The following ENGASE variants were observed in gnomAD, a reference collection of about 807,000 sequenced individuals.
ENGASE encodes endo-beta-N-acetylglucosaminidase, also known as cytosolic endo-beta-N-acetylglucosaminidase.
ENGASE carries 69 observed loss-of-function variants against 78.5 expected under a neutral mutation model. That is an observed-to-expected ratio of 0.88 (90% CI 0.72 to 1.07). The LOEUF is 1.07. ENGASE is among the 50% of genes least tolerant of loss of function. ENGASE has a pLI of 0.00. For missense variants in ENGASE, 943 were observed against 988.4 expected (o/e 0.95, Z 0.62); for synonymous variants, 408 against 408.9 (o/e 1.00, Z 0.03).
Position 79,079,605 on chromosome 17 carries a change from A to T in ENGASE, c.533A>T (p.Asn178Ile). 1 of 1,613,884 alleles carries T rather than the reference A, an allele frequency of 6.2e-7. No homozygotes were observed. Among genetic ancestry groups the T allele is most frequent in the Non-Finnish European group, 8.5e-7 (1 of 1,179,968 alleles). The change falls in exon 4 of 14, where the codon AAC (asparagine) becomes ATC (isoleucine). Residue 178 changes from asparagine (N) to isoleucine (I), a missense_variant. Coordinates refer to ENST00000579016, the MANE Select transcript of ENGASE (RefSeq NM_001042573.3). ...ACCATTCCCCCAGTGGGCTGGACCA[A>T]CACTGCCCACAGGCATGGGGTCTGC... ...TVTIPPVGWT[N>I]TAHRHGVCVL... is the part of the protein sequence containing the mutation.
intron 6 of ENGASE, 102 bp from the exon 7 acceptor site, chr17:79,081,796 C>T: frequency 7.0e-7 from 1 of 1,429,742 alleles, no homozygotes; most frequent in South Asian, 1.4e-5. Context: ...TGGGCCCATC[C>T]CTCTGAGTAC....
chr17:79,085,261 G>T lies in ENGASE; in HGVS notation c.1619G>T (p.Arg540Leu), dbSNP rs532548973. 3.1e-6 allele frequency: 5 copies of T among 1,613,498 alleles called. No individual in the cohort carries two copies. The African/African-American group carries it at 4.0e-5, about 13-fold the overall frequency. Reference protein sequence around the residue: ...NAETSSRHSLRPLRVPPTKLA... With the variant: ...NAETSSRHSLLPLRVPPTKLA... The stretch of plus-strand genomic sequence containing the variant: ...GAAACAAGCTCAAGACACAGCCTCC[G>T]ACCCCTCCGGGTGCCCCCCACCAAG... Residue 540 changes from arginine to leucine, a missense_variant, in exon 12 of 14, where the codon CGA becomes CTA. Arg to Leu is a moderately radical substitution (Grantham distance 102, BLOSUM62 -2). Coordinates refer to ENST00000579016, the MANE Select transcript of ENGASE (RefSeq NM_001042573.3).
chr17:79,075,599 A>G, intron 1 of ENGASE: 1 of 719,984 alleles, frequency 1.4e-6, no homozygotes, highest in Non-Finnish European at 1.7e-6. Context: ...AAGCACAGAG[A>G]CAGAAAGGGA....
rs748428043 is a variant in ENGASE at position 79,083,583 on chromosome 17, A to G, written c.1244A>G (p.Tyr415Cys). 3.1e-6 allele frequency: 5 copies of G among 1,613,192 alleles called. No homozygotes were observed. The highest frequency in any genetic ancestry group is 1.3e-5 in the African/African-American group (1 of 74,988). The change falls in exon 9 of 14, where the codon TAT becomes TGT. Residue 415 changes from tyrosine (Y) to cysteine (C), a missense_variant. Tyr to Cys is a radical substitution (Grantham distance 194). Transcript: ENST00000579016. This position sits in a 1 kb window ranked among gnomAD's most constrained non-coding sequence, Gnocchi z 4.9. The stretch of plus-strand genomic sequence containing the variant: ...GGCATGGGTGCACGGAGGGTCTGCT[A>G]TGGCCAGGTGGGTGGGTGTCTTCCC... ...CLGMGARRVC[Y>C]GQEEAVGPWY...
intron 1 of ENGASE, among the ~76,000 whole-genome samples, chr17:79,076,692 C>T (rs1459949704): frequency 6.6e-6 from 1 of 152,192 alleles, no homozygotes; most frequent in Non-Finnish European, 1.5e-5. Context: ...GCGGAAGGCA[C>T]TTAGGGAAGT....
intron 6 of ENGASE, 85 bp downstream of exon 6, chr17:79,081,158 C>A: frequency 4.4e-6 from 6 of 1,353,240 alleles, no homozygotes; most frequent in Non-Finnish European, 5.9e-6. Flanking sequence ...AAGGGGCGGG[C>A]GCAGTCTCCC....
Position 79,081,086 on chromosome 17 carries a change from ACAGGTGCTGTGAGGGGG to A in ENGASE, c.872+21_872+37del, listed in dbSNP as rs1055696779. 5.3e-5 allele frequency: 75 copies of A among 1,415,358 alleles called. No individual in the cohort carries two copies. The highest frequency in any genetic ancestry group is 7.0e-5 in the Non-Finnish European group (74 of 1,060,526). The allele number at this position is 1,415,358 out of a possible 1,614,324, so 87.7% of individuals were successfully genotyped here. ...ACCAGCACAACAGGTGAGCCTGCAG[ACAGGTGCTGTGAGGGGG>A]CAGGTGCCGTGGTGGGGGCGGGTAC... On this transcript the variant is annotated intron_variant, in intron 6 of 13. Transcript: ENST00000579016.
At chr17:79,080,111 T>TA in intron 4 of ENGASE, 96 bp from the exon 5 acceptor site, 1 of 1,347,688 alleles carries the variant, frequency 7.4e-7, no homozygotes. Flanking sequence ...GGTCAGGTGA[T>TA]ACTGAAGCTG....
chr17:79,075,763 T>C, intron 1 of ENGASE: 1 of 985,404 alleles, frequency 1.0e-6, no homozygotes, highest in Non-Finnish European at 1.2e-6. Flanking sequence ...CCCAAAGCAG[T>C]GAGACTGCTG....
chr17:79,084,470 G>T, intron 10 of ENGASE, 68 bp from the exon 11 acceptor site: 1 of 1,451,418 alleles, frequency 6.9e-7, no homozygotes, highest in South Asian at 1.5e-5. Context: ...TGGTGGACGC[G>T]ATTTGGAGCT....
intron 6 of ENGASE, 109 bp from the exon 7 acceptor site, chr17:79,081,789 G>T: frequency 7.3e-7 from 1 of 1,372,056 alleles, no homozygotes. Flanking sequence ...GGTGGGGTGG[G>T]CCCATCCCTC....
intron 11 of ENGASE, 111 bp downstream of exon 11, chr17:79,084,797 G>T (rs574540016): frequency 4.9e-6 from 6 of 1,229,876 alleles, no homozygotes; most frequent in South Asian, 2.6e-5. Flanking sequence ...CAGTGGGGGG[G>T]TACATCCTGC....
In ENGASE at chr17:79,083,628, C is replaced by T. The variant is rs771668984; in HGVS notation, c.1251+38C>T. ...CTTCCCTCCGTGTCTGTCCTCTGGCCTCAGCTGGGACAGGTGGGAGGAGCC... is the reference window on the plus strand; with the variant it reads ...CTTCCCTCCGTGTCTGTCCTCTGGCTTCAGCTGGGACAGGTGGGAGGAGCC... On this transcript the variant is annotated intron_variant, in intron 9 of 13. Coordinates refer to ENST00000579016, the MANE Select transcript of ENGASE (RefSeq NM_001042573.3). The surrounding 1 kb of genome is among the most constrained non-coding windows in gnomAD (Gnocchi z 4.9). The T allele has an allele frequency of 1.0e-4, 165 of 1,590,480 alleles. No individual in the cohort carries two copies. The highest frequency in any genetic ancestry group is 1.4e-4 in the Non-Finnish European group (161 of 1,159,430).
At chr17:79,084,443 T>C in intron 10 of ENGASE, 95 bp from the exon 11 acceptor site, 1 of 1,296,390 alleles carries the variant, frequency 7.7e-7, no homozygotes, top group East Asian at 2.6e-5. Context: ...AGGCCCCCTG[T>C]TCCTGGAGGG....
intron 6 of ENGASE, among the ~76,000 whole-genome samples, chr17:79,081,642 G>A (rs1207627442): frequency 6.6e-6 from 1 of 151,996 alleles, no homozygotes; most frequent in African/African-American, 2.4e-5. Flanking sequence ...CTCCCAGCCT[G>A]TGAGTTGCAG....
rs1028521901 is a variant in ENGASE, at chr17:79,074,861, G to A, written c.-84G>A. On this transcript the variant is annotated 5_prime_UTR_variant, in exon 1 of 14. Transcript: ENST00000579016. ...GGAGTCCCGTCCCAGCGCGGCGTCAGCGCTGCGCACTTCCCATTGGCCGAG... is the reference window on the plus strand; with the variant it reads ...GGAGTCCCGTCCCAGCGCGGCGTCAACGCTGCGCACTTCCCATTGGCCGAG... 2 of 1,214,240 alleles carry A rather than the reference G, an allele frequency of 1.6e-6. No individual in the cohort carries two copies. Among genetic ancestry groups the A allele is most frequent in the East Asian group, 3.3e-5 (1 of 30,424 alleles). 75.2% of individuals were successfully genotyped at this position (1,214,240 alleles called of 1,614,324 possible). A position where few individuals can be genotyped will look rare whatever the true frequency, so the allele number is the denominator to read the frequency against.
chr17:79,081,654 T>TCCCA (rs1230114242), intron 6 of ENGASE, among the ~76,000 whole-genome samples: 3 of 151,718 alleles, frequency 2.0e-5, no homozygotes, highest in African/African-American at 7.3e-5. Flanking sequence ...GAGTTGCAGG[T>TCCCA]GCCTCTGAGA....
chr17:79,077,836 G>T lies in ENGASE; in HGVS notation c.388G>T (p.Asp130Tyr). 6.2e-7 allele frequency: 1 copy of T among 1,612,174 alleles called. No individual in the cohort carries two copies. The highest frequency in any genetic ancestry group is 1.1e-5 in the South Asian group (1 of 91,044). The part of the protein sequence containing the change: ...SQRPRTLLCH[D>Y]MMGGYLDDRF... The stretch of plus-strand genomic sequence containing the variant: ...GAGGCCCCGGACTTTGTTGTGTCAT[G>T]ACATGATGGGCGGGTACCTGGATGA... Residue 130 changes from aspartate (D) to tyrosine (Y), a missense_variant, in exon 3 of 14, where the codon GAC (aspartate) becomes TAC (tyrosine). By Grantham distance (160) the Asp-to-Tyr change is radical. Transcript: ENST00000579016.
intron 3 of ENGASE, among the ~76,000 whole-genome samples, chr17:79,078,160 C>G (rs972031612): frequency 6.6e-6 from 1 of 151,974 alleles, no homozygotes; most frequent in East Asian, 1.9e-4. Flanking sequence ...GCCAACATGG[C>G]GAAACTCTGC....
Sources: gnomAD v4.1 joint callset for allele counts (sites outside exome capture counted in the v4.1 genomes callset) on GRCh38, gnomAD v4.1.1 for gene constraint, Gnocchi (gnomAD v3.1) non-coding constraint, MANE v1.5 for transcripts, NCBI Gene and HGNC (gene_info 2026-07-23, HGNC 2026-07-21) for gene names.